PTPRN2: variants seen among roughly 807,000 people sequenced by gnomAD.
PTPRN2 encodes the protein receptor-type tyrosine-protein phosphatase N2.
In PTPRN2, 74 loss-of-function variants were observed where a neutral mutation model predicts 118.8. That is an observed-to-expected ratio of 0.62 (90% CI 0.52 to 0.76). The LOEUF (loss-of-function observed/expected upper bound fraction) is 0.76, where lower values mean the gene tolerates loss of function less well. Ranked by LOEUF, PTPRN2 falls within the 30% of genes least tolerant of loss-of-function variation. The pLI is 0.00. For missense variants in PTPRN2, 1,481 were observed against 1,394.4 expected, an observed-to-expected ratio of 1.06 and a Z score of -0.99; for synonymous variants, 641 against 608.0, an observed-to-expected ratio of 1.05 and a Z score of -0.80.
chr7:158,587,566 C>T lies in PTPRN2; in HGVS notation c.104G>A (p.Gly35Glu), dbSNP rs777546174. ...CGGCGCCCCCCACTCACCCAGACGCCCCGGGAGCTGCCGGCCGCGGGGGAC... is the reference window on the plus strand; with the variant it reads ...CGGCGCCCCCCACTCACCCAGACGCTCCGGGAGCTGCCGGCCGCGGGGGAC... ...SSVPRGRQLP[G>E]RLGCLLEEGL... The change falls in exon 1 of 23, where the codon GGG (glycine) becomes GAG (glutamate). Residue 35 changes from glycine to glutamate, a missense_variant. Physicochemically the swap from Gly to Glu is moderately conservative, Grantham distance 98. This residue lies in a region of PTPRN2 where 1,115 missense variants were observed against 994.2 expected (regional missense o/e 1.12). Transcript: ENST00000389418. 15 of 1,338,026 alleles carry T rather than the reference C, an allele frequency of 1.1e-5. No homozygotes were observed. The highest frequency in any genetic ancestry group is 1.3e-5 in the Non-Finnish European group (14 of 1,049,672). The allele number at this position is 1,338,026 out of a possible 1,614,324, so 82.9% of individuals were successfully genotyped here. A position where few individuals can be genotyped will look rare whatever the true frequency, so the allele number is the denominator to read the frequency against.
intron 12 of PTPRN2, among the ~76,000 whole-genome samples, chr7:157,774,732 G>A (rs933862244): frequency 6.6e-6 from 1 of 152,190 alleles, no homozygotes. Flanking sequence ...CAGAGGGCAC[G>A]CCCGACAGGG....
chr7:157,771,967 C>G (rs1056919314), intron 12 of PTPRN2, among the ~76,000 whole-genome samples: 1 of 151,696 alleles, frequency 6.6e-6, no homozygotes, highest in African/African-American at 2.4e-5. Context: ...CAGACAGACA[C>G]ACACACATAC....
At chr7:158,267,919 G>A (rs1001998217) in intron 3 of PTPRN2, among the ~76,000 whole-genome samples, 3 of 152,136 alleles carry the variant, frequency 2.0e-5, no homozygotes. Flanking sequence ...GCCACCTCCA[G>A]CCCGTAATTT....
intron 3 of PTPRN2, among the ~76,000 whole-genome samples, chr7:158,220,285 C>G (rs1274837633): frequency 6.6e-6 from 1 of 152,136 alleles, no homozygotes; most frequent in Non-Finnish European, 1.5e-5. Flanking sequence ...ACTCTCATCA[C>G]TCCTATTCAA....
chr7:158,326,253 G>A (rs1803514211), intron 2 of PTPRN2, among the ~76,000 whole-genome samples: 1 of 152,190 alleles, frequency 6.6e-6, no homozygotes, highest in Non-Finnish European at 1.5e-5. Flanking sequence ...CACCCAGGTG[G>A]CCAGTGAGCA....
intron 2 of PTPRN2, among the ~76,000 whole-genome samples, chr7:158,397,921 G>A (rs577291507): frequency 7.2e-5 from 11 of 152,144 alleles, no homozygotes; most frequent in Non-Finnish European, 1.5e-4. Flanking sequence ...TGCCATGAAC[G>A]TAAATCGAGG....
intron 2 of PTPRN2, among the ~76,000 whole-genome samples, chr7:158,372,271 A>T (rs868154530): frequency 3.1e-5 from 1 of 32,570 alleles, no homozygotes; most frequent in South Asian, 1.0e-3. Context: ...CCCAGAGCTG[A>T]TCCCCCCAAC....
intron 13 of PTPRN2, among the ~76,000 whole-genome samples, chr7:157,679,733 G>A (rs900742109): frequency 6.6e-6 from 1 of 152,190 alleles, no homozygotes; most frequent in Non-Finnish European, 1.5e-5. Context: ...TTCTGTACAA[G>A]CACTAATGAT....
At chr7:157,584,394 T>A (rs1800549818) in intron 17 of PTPRN2, among the ~76,000 whole-genome samples, 1 of 152,196 alleles carries the variant, frequency 6.6e-6, no homozygotes, top group Non-Finnish European at 1.5e-5. Flanking sequence ...TTGAAAACAA[T>A]TCACATTTCT....
intron 2 of PTPRN2, among the ~76,000 whole-genome samples, chr7:158,420,835 C>T (rs1030404226): frequency 3.3e-5 from 5 of 152,164 alleles, no homozygotes; most frequent in East Asian, 1.9e-4. Context: ...GATGAAGTGA[C>T]GGCTCGGAGT....
intron 9 of PTPRN2, among the ~76,000 whole-genome samples, chr7:158,125,746 G>A (rs745471585): frequency 9.2e-5 from 14 of 152,166 alleles, no homozygotes; most frequent in Non-Finnish European, 1.8e-4. Flanking sequence ...ACAACACAGC[G>A]TGGAGGCTGA....
intron 6 of PTPRN2, among the ~76,000 whole-genome samples, chr7:158,151,922 C>T (rs1821218062): frequency 2.0e-5 from 3 of 152,054 alleles, no homozygotes; most frequent in Non-Finnish European, 4.4e-5. Context: ...GCCTGTAATC[C>T]CAGCACTTTG....
intron 12 of PTPRN2, among the ~76,000 whole-genome samples, chr7:157,807,534 A>C (rs1427742810): frequency 6.6e-6 from 1 of 152,214 alleles, no homozygotes; most frequent in African/African-American, 2.4e-5. Context: ...TCCTTGGGAC[A>C]AGCAGGAGCC....
chr7:157,586,140 T>C (rs183721662), intron 17 of PTPRN2, among the ~76,000 whole-genome samples: 30 of 152,320 alleles, frequency 2.0e-4, no homozygotes, highest in East Asian at 7.7e-4. Context: ...AAAGTACTTA[T>C]CAATCATGGA....
At chr7:158,125,379 C>A (rs1003358317) in intron 9 of PTPRN2, among the ~76,000 whole-genome samples, 22 of 152,110 alleles carry the variant, frequency 1.4e-4, no homozygotes, top group African/African-American at 2.2e-4. Context: ...CCACGGCCAC[C>A]CCCCTGCCTC....
At chr7:157,660,510 A>G (rs1466851534) in intron 13 of PTPRN2, among the ~76,000 whole-genome samples, 1 of 152,168 alleles carries the variant, frequency 6.6e-6, no homozygotes, top group Non-Finnish European at 1.5e-5. Flanking sequence ...AAAACCTCTA[A>G]AGGTCTCTAA....
chr7:157,901,109 A>G (rs1797410647), intron 11 of PTPRN2, among the ~76,000 whole-genome samples: 1 of 152,174 alleles, frequency 6.6e-6, no homozygotes, highest in Non-Finnish European at 1.5e-5. Context: ...GGAGAGAGGA[A>G]GCAGGAGAGG....
At chr7:158,036,196 G>A (rs955427386) in intron 11 of PTPRN2, among the ~76,000 whole-genome samples, 5 of 152,074 alleles carry the variant, frequency 3.3e-5, no homozygotes, top group South Asian at 4.1e-4. Context: ...AAACTGCAAC[G>A]CACAACAGAA....
intron 21 of PTPRN2, among the ~76,000 whole-genome samples, chr7:157,552,584 C>T (rs567622422): frequency 3.6e-4 from 55 of 152,258 alleles, no homozygotes; most frequent in African/African-American, 1.0e-3. Context: ...TTTGGCCATA[C>T]GCTGCTGGGT....
Sources: gnomAD v4.1 joint callset for allele counts (sites outside exome capture counted in the v4.1 genomes callset) on GRCh38, gnomAD v4.1.1 for gene constraint, gnomAD v4.1.1 regional missense constraint, MANE v1.5 for transcripts, NCBI Gene and HGNC (gene_info 2026-07-23, HGNC 2026-07-21) for gene names.